Variants in SGCZ observed in about 807,000 individuals in gnomAD.
SGCZ encodes sarcoglycan zeta, also known as zeta-sarcoglycan.
In SGCZ, 40 loss-of-function variants were observed where a neutral mutation model predicts 41.3. The ratio of observed to expected loss-of-function variants is 0.97; its 90% CI spans 0.75 to 1.26. The LOEUF is 1.26. Among genes scored for constraint, SGCZ ranks in the 50% most tolerant of loss-of-function variants. The probability of loss-of-function intolerance (pLI) is 0.00; values close to 1 mark genes in which losing one functional copy is unlikely to be tolerated. For synonymous variants in SGCZ, 206 were observed against 137.5 expected, an observed-to-expected ratio of 1.50 and a Z score of -3.49; for missense variants, 552 against 369.8, an observed-to-expected ratio of 1.49 and a Z score of -4.04.
At chr8:14,486,655 T>C (rs11779752) in intron 2 of SGCZ, among the ~76,000 whole-genome samples, 101,434 of 151,950 alleles carry the variant, frequency 0.67, 34,882 homozygotes, top group Middle Eastern at 0.76. Context: ...CTCACTGCAG[T>C]CTCAACCTCC....
intron 1 of SGCZ, among the ~76,000 whole-genome samples, chr8:14,591,934 A>T (rs1024407324): frequency 6.6e-6 from 1 of 152,166 alleles, no homozygotes; most frequent in Non-Finnish European, 1.5e-5. Flanking sequence ...CAGGGAGGAC[A>T]GCAGCTGAGG....
chr8:14,565,415 C>G (rs573956999), intron 1 of SGCZ, among the ~76,000 whole-genome samples: 4 of 151,912 alleles, frequency 2.6e-5, no homozygotes, highest in African/African-American at 7.2e-5. Context: ...AATAGAAATA[C>G]TTAGCCATTA....
chr8:14,843,392 A>T (rs908674139), intron 1 of SGCZ, among the ~76,000 whole-genome samples: 1 of 152,088 alleles, frequency 6.6e-6, no homozygotes, highest in Admixed American at 6.6e-5. Context: ...AACACAGGCC[A>T]ATTAGAATTT....
intron 1 of SGCZ, among the ~76,000 whole-genome samples, chr8:15,213,956 C>T (rs943907389): frequency 1.3e-5 from 2 of 152,090 alleles, no homozygotes; most frequent in South Asian, 2.1e-4. Flanking sequence ...TTCAGCTGTA[C>T]TCTTTGACCT....
chr8:14,146,217 G>T (rs909847057), intron 5 of SGCZ, among the ~76,000 whole-genome samples: 1 of 152,104 alleles, frequency 6.6e-6, no homozygotes, highest in African/African-American at 2.4e-5. Flanking sequence ...TAAACAAAAA[G>T]AGCTCCAACA....
At chr8:14,954,045 G>C (rs2130840637) in intron 1 of SGCZ, among the ~76,000 whole-genome samples, 2 of 152,236 alleles carry the variant, frequency 1.3e-5, no homozygotes, top group East Asian at 3.9e-4. Context: ...AAAAAATTAT[G>C]AATTTCTTCT....
chr8:15,006,521 A>T (rs1370942657), intron 1 of SGCZ, among the ~76,000 whole-genome samples: 4 of 152,202 alleles, frequency 2.6e-5, no homozygotes, highest in Non-Finnish European at 4.4e-5. Context: ...GGAAAGCCTG[A>T]TCATTAGCCA....
At chr8:14,170,747 T>C (rs1804354001) in intron 4 of SGCZ, among the ~76,000 whole-genome samples, 1 of 152,118 alleles carries the variant, frequency 6.6e-6, no homozygotes, top group Non-Finnish European at 1.5e-5. Flanking sequence ...TGTAAATATT[T>C]TTTACACCTC....
intron 5 of SGCZ, among the ~76,000 whole-genome samples, chr8:14,160,023 G>A (rs755818202): frequency 1.3e-5 from 2 of 152,150 alleles, no homozygotes; most frequent in East Asian, 1.9e-4. Flanking sequence ...TGATAGTCTT[G>A]GCTTTCAAAC....
At chr8:14,450,043 G>T (rs1017516828) in intron 2 of SGCZ, among the ~76,000 whole-genome samples, 1 of 152,144 alleles carries the variant, frequency 6.6e-6, no homozygotes, top group Non-Finnish European at 1.5e-5. Flanking sequence ...GAAAAAAACT[G>T]TGAAAGTGAA....
chr8:14,156,825 G>T (rs1803890954), intron 5 of SGCZ, among the ~76,000 whole-genome samples: 1 of 152,084 alleles, frequency 6.6e-6, no homozygotes, highest in African/African-American at 2.4e-5. Context: ...CCCACTTGAA[G>T]GTCTTCAGAG....
intron 2 of SGCZ, among the ~76,000 whole-genome samples, chr8:14,366,747 A>G (rs1173605682): frequency 6.6e-6 from 1 of 152,166 alleles, no homozygotes; most frequent in African/African-American, 2.4e-5. Flanking sequence ...AAGAGTTCAC[A>G]GAGTAAAGAC....
intron 1 of SGCZ, among the ~76,000 whole-genome samples, chr8:15,193,775 A>G (rs1352564968): frequency 6.6e-6 from 1 of 152,200 alleles, no homozygotes; most frequent in Non-Finnish European, 1.5e-5. Flanking sequence ...ATAATTTTTC[A>G]TGGGTGGTAC....
intron 3 of SGCZ, among the ~76,000 whole-genome samples, chr8:14,245,857 C>A (rs1453011888): frequency 6.6e-6 from 1 of 152,174 alleles, no homozygotes; most frequent in East Asian, 1.9e-4. Context: ...TGCTCATCAT[C>A]ACTGGCCATC....
intron 7 of SGCZ, among the ~76,000 whole-genome samples, chr8:14,097,727 C>A (rs978060893): frequency 6.6e-6 from 1 of 152,056 alleles, no homozygotes; most frequent in South Asian, 2.1e-4. Flanking sequence ...GAGTCTAGGT[C>A]TCTTTGTAGG....
intron 2 of SGCZ, among the ~76,000 whole-genome samples, chr8:14,359,840 G>A (rs926442031): frequency 3.5e-4 from 52 of 150,188 alleles, no homozygotes; most frequent in African/African-American, 7.4e-4. Flanking sequence ...CAAATATCCC[G>A]GATGAATACT....
At chr8:14,225,613 G>C (rs1431322358) in intron 4 of SGCZ, among the ~76,000 whole-genome samples, 1 of 152,022 alleles carries the variant, frequency 6.6e-6, no homozygotes, top group African/African-American at 2.4e-5. Flanking sequence ...GGATAGATTT[G>C]GGTGTTATCC....
intron 2 of SGCZ, among the ~76,000 whole-genome samples, chr8:14,471,720 A>C (rs1424956833): frequency 6.6e-6 from 1 of 152,120 alleles, no homozygotes; most frequent in Non-Finnish European, 1.5e-5. Context: ...AAATAAAAAT[A>C]ATAATTTCCG....
At position 14,680,964 on chromosome 8, in the gene SGCZ, G is replaced by GA. The variant is rs71209075; in HGVS notation, c.40-126039dup. On this transcript the variant is annotated intron_variant, in intron 1 of 7. Coordinates refer to ENST00000382080, the MANE Select transcript of SGCZ (RefSeq NM_139167.4). ...GAAACATACAGAGGAAAAAGAGTGG[G>GA]AAAAAAAAAAAAAAAAACAGAAAAT... is the stretch of plus-strand genomic sequence containing the variant. Among the ~76,000 whole-genome samples, 16 of 117,904 alleles carry GA rather than the reference G, an allele frequency of 1.4e-4. 1 individual carries two copies. Among genetic ancestry groups the GA allele is most frequent in the East Asian group, 3.1e-4 (1 of 3,206 alleles). The allele number at this position is 117,904 out of a possible 152,430, so 77.3% of individuals were successfully genotyped here.
Sources: gnomAD v4.1 joint callset for allele counts (sites outside exome capture counted in the v4.1 genomes callset) on GRCh38, gnomAD v4.1.1 for gene constraint, MANE v1.5 for transcripts, NCBI Gene and HGNC (gene_info 2026-07-23, HGNC 2026-07-21) for gene names.